SLC10A1: variants seen among roughly 807,000 people sequenced by gnomAD.
SLC10A1 encodes solute carrier family 10 member 1.
In SLC10A1, 36 loss-of-function variants were observed where a neutral mutation model predicts 20.5. That is an observed-to-expected ratio of 1.75 (90% confidence interval 1.34 to 2.32). The LOEUF (loss-of-function observed/expected upper bound fraction) is 2.32. SLC10A1 is among the 30% of genes most tolerant of loss of function. The pLI is 0.00. For missense variants in SLC10A1, 545 were observed against 439.1 expected, an observed-to-expected ratio of 1.24 and a Z score of -2.16; for synonymous variants, 188 against 163.6, an observed-to-expected ratio of 1.15 and a Z score of -1.14.
At position 69,775,905 on chromosome 14, in the gene SLC10A1, TGGAATG is replaced by T. The variant is rs1312093174; in HGVS notation, c.*371_*376del. ...TATTTCTCTTTTGGGTCACAAAACT[TGGAATG>T]GGATTTGGGTATTTGAGTAATGGGT... On this transcript the variant is annotated 3_prime_UTR_variant, in exon 5 of 5. Coordinates refer to ENST00000216540, the MANE Select transcript of SLC10A1 (RefSeq NM_003049.4). The T allele has an allele frequency of 1.2e-5, 2 of 162,584 alleles. No homozygotes were observed. Among genetic ancestry groups the T allele is most frequent in the African/African-American group, 4.8e-5 (2 of 41,840 alleles). 10.1% of individuals were successfully genotyped at this position (162,584 alleles called of 1,614,324 possible).
At chr14:69,782,689 T>C (rs1883621941) in intron 2 of SLC10A1, among the ~76,000 whole-genome samples, 1 of 151,846 alleles carries the variant, frequency 6.6e-6, no homozygotes, top group South Asian at 2.1e-4. Flanking sequence ...GCGCCTGTAG[T>C]CCCAGCTACT....
At chr14:69,793,328 C>G (rs888540081) in intron 1 of SLC10A1, among the ~76,000 whole-genome samples, 9 of 152,272 alleles carry the variant, frequency 5.9e-5, no homozygotes, top group Middle Eastern at 3.4e-3. Flanking sequence ...CTTGGTTTAC[C>G]CCAAGGGACA....
At chr14:69,784,063 T>C (rs551348266) in intron 2 of SLC10A1, among the ~76,000 whole-genome samples, 1 of 152,198 alleles carries the variant, frequency 6.6e-6, no homozygotes, top group Non-Finnish European at 1.5e-5. Context: ...CTGATGATGC[T>C]GTTCTGGAAG....
chr14:69,795,890 C>T (rs1013699520), intron 1 of SLC10A1, among the ~76,000 whole-genome samples: 7 of 152,048 alleles, frequency 4.6e-5, no homozygotes, highest in Admixed American at 1.3e-4. Context: ...AGCGTCTCCA[C>T]GGAGGACTAA....
Position 69,778,429 on chromosome 14 carries a change from A to C in SLC10A1, c.847T>G (p.Phe283Val). 6.2e-7 allele frequency: 1 copy of C among 1,614,086 alleles called. No individual in the cohort carries two copies. Among genetic ancestry groups the C allele is most frequent in the East Asian group, 2.2e-5 (1 of 44,876 alleles). ...ATCATGTAGAGGAGGGGAAAGAAGAAAAGTGGTCCAATGACTTCAGGTGGA... is the reference window on the plus strand; with the variant it reads ...ATCATGTAGAGGAGGGGAAAGAAGACAAGTGGTCCAATGACTTCAGGTGGA... ...AFPPEVIGPL[F>V]FFPLLYMIFQ... The change falls in exon 4 of 5, where the codon TTC becomes GTC. Residue 283 changes from phenylalanine (F) to valine (V), a missense_variant. Physicochemically the swap from Phe to Val is conservative, Grantham distance 50. Coordinates refer to ENST00000216540, the MANE Select transcript of SLC10A1 (RefSeq NM_003049.4).
chr14:69,792,027 C>A (rs1307470519), intron 1 of SLC10A1, among the ~76,000 whole-genome samples: 2 of 151,494 alleles, frequency 1.3e-5, no homozygotes, highest in African/African-American at 2.4e-5. Context: ...TTTTGGCTCA[C>A]TGCAACCTCT....
At chr14:69,796,223 G>A (rs1262519644) in intron 1 of SLC10A1, among the ~76,000 whole-genome samples, 1 of 152,168 alleles carries the variant, frequency 6.6e-6, no homozygotes, top group African/African-American at 2.4e-5. Context: ...GAAACTCTAG[G>A]ATCTCCCTGG....
rs764251900 is a variant in SLC10A1 at position 69,779,212 on chromosome 14, ACAT to A, written c.713_715del (p.Tyr238_Val239delinsPhe). 14 of 1,613,224 alleles carry A rather than the reference ACAT, an allele frequency of 8.7e-6. No individual in the cohort carries two copies. In the Middle Eastern group the frequency reaches 9.9e-4, roughly 114 times the overall value. Reference sequence around the variant, plus strand: ...ATTGAGGCAGAAGAGAGCAGAGAGAACATAACCCAGCAGAAAGCCAATAAAAGG... The same window carrying A: ...ATTGAGGCAGAAGAGAGCAGAGAGAAAACCCAGCAGAAAGCCAATAAAAGG... On this transcript the variant is annotated inframe_deletion, in exon 3 of 5. Coordinates refer to ENST00000216540, the MANE Select transcript of SLC10A1 (RefSeq NM_003049.4).
intron 1 of SLC10A1, among the ~76,000 whole-genome samples, chr14:69,790,927 G>A (rs1363994898): frequency 6.6e-6 from 1 of 151,922 alleles, no homozygotes; most frequent in East Asian, 1.9e-4. Context: ...AAATGTATGA[G>A]GTTCTAAATA....
At chr14:69,786,843 T>G (rs141024167) in intron 1 of SLC10A1, among the ~76,000 whole-genome samples, 5 of 152,330 alleles carry the variant, frequency 3.3e-5, no homozygotes, top group Admixed American at 2.6e-4. Context: ...ACATTTTACC[T>G]CGTGGGGAGT....
At chr14:69,790,983 C>CAAATATATATATATTTT (rs1339236125) in intron 1 of SLC10A1, among the ~76,000 whole-genome samples, 1 of 151,762 alleles carries the variant, frequency 6.6e-6, no homozygotes, top group Non-Finnish European at 1.5e-5. Context: ...ATACTAGAAA[C>CAAATATATATATATTTT]AAATATATAT....
rs1326238518 is a variant in SLC10A1, at chr14:69,777,595, TTTTTTTTTTTAAAA to T, written c.943+724_943+737del. Reference sequence around the variant, plus strand: ...AATGTCCTGTTTTTTTTTTTTTTTTTTTTTTTTTTTAAAATTGGTGTTAAAGTGCACTTTGAGGA... The same window carrying T: ...AATGTCCTGTTTTTTTTTTTTTTTTTTTGGTGTTAAAGTGCACTTTGAGGA... On this transcript the variant is annotated intron_variant, in intron 4 of 4. Transcript: ENST00000216540. Among the ~76,000 whole-genome samples the T allele has an allele frequency of 3.1e-4, 32 of 102,300 alleles. 2 individuals are homozygous for T. The East Asian group carries it at 7.4e-3, about 24-fold the overall frequency. The allele number at this position is 102,300 out of a possible 152,430, so 67.1% of individuals were successfully genotyped here. A position where few individuals can be genotyped will look rare whatever the true frequency, so the allele number is the denominator to read the frequency against.
intron 2 of SLC10A1, among the ~76,000 whole-genome samples, chr14:69,781,105 T>C (rs1255152370): frequency 1.3e-5 from 2 of 152,170 alleles, no homozygotes; most frequent in African/African-American, 4.8e-5. Flanking sequence ...GGGGAGTCAC[T>C]CAACCTGAGT....
chr14:69,795,370 A>G (rs1286581451), intron 1 of SLC10A1, among the ~76,000 whole-genome samples: 3 of 150,704 alleles, frequency 2.0e-5, no homozygotes, highest in Non-Finnish European at 4.4e-5. Flanking sequence ...GTTAAACCCC[A>G]ACTCTCATTC....
chr14:69,789,042 A>G (rs1262944448), intron 1 of SLC10A1, among the ~76,000 whole-genome samples: 5 of 152,334 alleles, frequency 3.3e-5, no homozygotes, highest in South Asian at 4.1e-4. Context: ...TAGCATGGCT[A>G]TAATTAAAAA....
At chr14:69,788,703 C>T (rs1883779896) in intron 1 of SLC10A1, among the ~76,000 whole-genome samples, 1 of 152,094 alleles carries the variant, frequency 6.6e-6, no homozygotes, top group Non-Finnish European at 1.5e-5. Context: ...TGCCACCACG[C>T]CCGGCTAATT....
rs909810141 is a variant in SLC10A1, at chr14:69,775,530, A to G, written c.*752T>C. 6.6e-6 allele frequency: 1 copy of G among 152,200 alleles called. No individual in the cohort carries two copies. Among genetic ancestry groups the G allele is most frequent in the African/African-American group, 2.4e-5 (1 of 41,454 alleles). 9.4% of individuals were successfully genotyped at this position (152,200 alleles called of 1,614,324 possible). The stretch of plus-strand genomic sequence containing the variant: ...ACTCATTTTGGCAGTAGTTTGCTGT[A>G]CCCAGTTTTGGGGGCGCCTTGTGTT... On this transcript the variant is annotated 3_prime_UTR_variant, in exon 5 of 5. Coordinates refer to ENST00000216540, the MANE Select transcript of SLC10A1 (RefSeq NM_003049.4).
At position 69,777,717 on chromosome 14, in the gene SLC10A1, A is replaced by C. The variant is rs1488551144; in HGVS notation, c.943+616T>G. On this transcript the variant is annotated intron_variant, in intron 4 of 4. Coordinates refer to ENST00000216540, the MANE Select transcript of SLC10A1 (RefSeq NM_003049.4). ...CTGAGCATTTTAGAGAAGAGATGCT[A>C]TGTTAACCCCATAGTGATCAGAGTA... Among the ~76,000 whole-genome samples, 6 of 150,522 alleles carry C rather than the reference A, an allele frequency of 4.0e-5. No individual in the cohort carries two copies. In the Admixed American group the frequency reaches 4.0e-4, roughly 10 times the overall value.
intron 2 of SLC10A1, among the ~76,000 whole-genome samples, chr14:69,780,088 G>A (rs1025864877): frequency 2.0e-5 from 3 of 152,154 alleles, no homozygotes; most frequent in African/African-American, 7.2e-5. Context: ...CTAATAATAA[G>A]GGGACAAACC....
Sources: gnomAD v4.1 joint callset for allele counts (sites outside exome capture counted in the v4.1 genomes callset) on GRCh38, gnomAD v4.1.1 for gene constraint, MANE v1.5 for transcripts, NCBI Gene and HGNC (gene_info 2026-07-23, HGNC 2026-07-21) for gene names.